Variants in RAD51B observed in about 807,000 individuals in gnomAD.
RAD51B encodes DNA repair protein RAD51 homolog 2.
RAD51B carries 38 observed loss-of-function variants against 42.2 expected under a neutral mutation model. The observed-to-expected ratio is 0.90, with a 90% CI of 0.70 to 1.18. The LOEUF (loss-of-function observed/expected upper bound fraction) is 1.18, where lower values mean the gene tolerates loss of function less well. Ranked by LOEUF, RAD51B falls within the 50% of genes most tolerant of loss-of-function variation. The probability of loss-of-function intolerance (pLI) is 0.00; values close to 1 mark genes in which losing one functional copy is unlikely to be tolerated. For synonymous variants in RAD51B, 154 were observed against 145.2 expected, an observed-to-expected ratio of 1.06 and a Z score of -0.43; for missense variants, 373 against 400.7, an observed-to-expected ratio of 0.93 and a Z score of 0.59.
chr14:68,502,404 C>T (rs543432808), intron 10 of RAD51B, among the ~76,000 whole-genome samples: 4 of 152,322 alleles, frequency 2.6e-5, no homozygotes, highest in Admixed American at 1.3e-4. Context: ...CCCCACGGGC[C>T]GCCCGGGACT....
At chr14:68,669,990 G>A (rs564494016) in intron 11 of RAD51B, among the ~76,000 whole-genome samples, 37 of 152,324 alleles carry the variant, frequency 2.4e-4, no homozygotes, top group South Asian at 4.1e-4. Flanking sequence ...TTAATGGCAC[G>A]GAAGTCCCAG....
At chr14:68,458,340 T>C (rs1199173687) in intron 9 of RAD51B, among the ~76,000 whole-genome samples, 1 of 152,228 alleles carries the variant, frequency 6.6e-6, no homozygotes, top group East Asian at 1.9e-4. Context: ...TGTTTTATGT[T>C]TGAAAAGGTT....
intron 7 of RAD51B, among the ~76,000 whole-genome samples, chr14:67,926,045 A>G (rs1159256031): frequency 6.6e-6 from 1 of 152,196 alleles, no homozygotes; most frequent in African/African-American, 2.4e-5. Context: ...AGGGGCTCCC[A>G]TGAAGACCTC....
At chr14:68,435,073 T>TA (rs1376545266) in intron 9 of RAD51B, among the ~76,000 whole-genome samples, 1 of 152,230 alleles carries the variant, frequency 6.6e-6, no homozygotes, top group Non-Finnish European at 1.5e-5. Flanking sequence ...GCAGGTTTGT[T>TA]ACATGGGTAT....
In RAD51B at chr14:68,117,888, C is replaced by T. The variant is rs202090011; in HGVS notation, c.757-173996C>T. On this transcript the variant is annotated intron_variant, in intron 7 of 10. Transcript: ENST00000471583. Reference sequence around the variant, plus strand: ...GAAATATTTTTAGAACTTGTCCTTTCGAATTGCCGTTAGAAGCCATTTATG... The same window carrying T: ...GAAATATTTTTAGAACTTGTCCTTTTGAATTGCCGTTAGAAGCCATTTATG... Among the ~76,000 whole-genome samples, 26 of 152,302 alleles carry T rather than the reference C, an allele frequency of 1.7e-4. No individual in the cohort carries two copies. In the East Asian group the frequency reaches 4.4e-3, roughly 26 times the overall value.
intron 5 of RAD51B, among the ~76,000 whole-genome samples, chr14:67,881,335 G>T (rs755903223): frequency 6.6e-6 from 1 of 152,186 alleles, no homozygotes; most frequent in Non-Finnish European, 1.5e-5. Context: ...TTCACCTTGT[G>T]TAAACCCGAA....
At chr14:68,369,950 A>G (rs1432634718) in intron 8 of RAD51B, among the ~76,000 whole-genome samples, 1 of 152,224 alleles carries the variant, frequency 6.6e-6, no homozygotes, top group Non-Finnish European at 1.5e-5. Context: ...GACAATGTCC[A>G]GGGTTAGTGG....
At chr14:68,433,853 CTGTTT>C (rs1182219231) in intron 9 of RAD51B, among the ~76,000 whole-genome samples, 1 of 152,198 alleles carries the variant, frequency 6.6e-6, no homozygotes, top group Non-Finnish European at 1.5e-5. Flanking sequence ...CTTTTCTGCT[CTGTTT>C]TTTCCCCATC....
intron 7 of RAD51B, among the ~76,000 whole-genome samples, chr14:68,184,408 T>C (rs1472726817): frequency 2.0e-5 from 3 of 151,876 alleles, no homozygotes; most frequent in Non-Finnish European, 2.9e-5. Flanking sequence ...GCTAATATTT[T>C]GTATTCTTTT....
intron 10 of RAD51B, among the ~76,000 whole-genome samples, chr14:68,588,345 T>A (rs558850177): frequency 3.4e-4 from 52 of 152,298 alleles, no homozygotes; most frequent in African/African-American, 1.2e-3. Context: ...AATCCTTTAT[T>A]TCCCCAAGGC....
At chr14:68,021,488 T>C (rs1440801468) in intron 7 of RAD51B, among the ~76,000 whole-genome samples, 1 of 152,228 alleles carries the variant, frequency 6.6e-6, no homozygotes, top group Non-Finnish European at 1.5e-5. Flanking sequence ...CCTGCCACTT[T>C]TAGAACGTCA....
At chr14:68,180,465 T>G (rs2079041481) in intron 7 of RAD51B, among the ~76,000 whole-genome samples, 1 of 152,120 alleles carries the variant, frequency 6.6e-6, no homozygotes, top group South Asian at 2.1e-4. Context: ...ACTTTGATAA[T>G]GAAAAAGTAT....
chr14:68,344,937 A>C (rs2082646621), intron 8 of RAD51B, among the ~76,000 whole-genome samples: 1 of 120,302 alleles, frequency 8.3e-6, no homozygotes, highest in African/African-American at 3.1e-5. Context: ...ACAGTGTAAG[A>C]CTCAATCTCA....
intron 10 of RAD51B, among the ~76,000 whole-genome samples, chr14:68,568,529 G>C (rs1316195671): frequency 6.6e-6 from 1 of 152,188 alleles, no homozygotes; most frequent in Non-Finnish European, 1.5e-5. Context: ...AGAAAGAATA[G>C]AGCCCTATCT....
At chr14:68,628,987 G>A (rs1276641243) in intron 10 of RAD51B, among the ~76,000 whole-genome samples, 1 of 152,164 alleles carries the variant, frequency 6.6e-6, no homozygotes, top group African/African-American at 2.4e-5. Context: ...CAACCCGAAC[G>A]GGTTGGAAGG....
intron 11 of RAD51B, among the ~76,000 whole-genome samples, chr14:68,673,442 A>G (rs1373591177): frequency 6.6e-6 from 1 of 152,064 alleles, no homozygotes; most frequent in South Asian, 2.1e-4. Context: ...ACATGCACAC[A>G]CGTACACATA....
At chr14:68,581,382 A>C (rs1405493941) in intron 10 of RAD51B, among the ~76,000 whole-genome samples, 1 of 152,142 alleles carries the variant, frequency 6.6e-6, no homozygotes, top group East Asian at 1.9e-4. Flanking sequence ...GAGTACACTG[A>C]AGGTGGGCTA....
chr14:68,570,900 C>T (rs912988408), intron 10 of RAD51B, among the ~76,000 whole-genome samples: 2 of 98,442 alleles, frequency 2.0e-5, no homozygotes, highest in African/African-American at 6.2e-5. Flanking sequence ...CACACACATG[C>T]ACACACACAC....
exon 11 of RAD51B, chr14:68,611,167 A>G (rs1015384187): frequency 2.0e-5 from 14 of 702,962 alleles, no homozygotes; most frequent in Middle Eastern, 2.3e-4. Flanking sequence ...GATGCACTCA[A>G]CTGTCCTCTC....
Sources: gnomAD v4.1 joint callset for allele counts (sites outside exome capture counted in the v4.1 genomes callset) on GRCh38, gnomAD v4.1.1 for gene constraint, MANE v1.5 for transcripts, NCBI Gene and HGNC (gene_info 2026-07-23, HGNC 2026-07-21) for gene names.